PRSS23: variants seen among roughly 807,000 people sequenced by gnomAD.
PRSS23 encodes protease, serine 23.
PRSS23 carries 25 observed loss-of-function variants against 34.7 expected under a neutral mutation model. That is an observed-to-expected ratio of 0.72 (90% confidence interval 0.53 to 1.01). PRSS23 has a LOEUF of 1.01. PRSS23 is among the 50% of genes least tolerant of loss of function. The pLI is 0.00. For missense variants in PRSS23, 445 were observed against 475.6 expected (o/e 0.94, Z 0.60); for synonymous variants, 176 against 186.6 (o/e 0.94, Z 0.46).
At chr11:86,830,796 A>G (rs1017993860) in intron 2 of PRSS23, among the ~76,000 whole-genome samples, 1 of 152,056 alleles carries the variant, frequency 6.6e-6, no homozygotes, top group African/African-American at 2.4e-5. Flanking sequence ...TATTACTCCT[A>G]ATATCTCACT....
At chr11:86,936,596 G>A (rs1159212636) in intron 2 of PRSS23, 2 of 152,180 alleles carry the variant, frequency 1.3e-5, no homozygotes, top group African/African-American at 2.4e-5. Flanking sequence ...TGTGGGGAAA[G>A]GTATATAATC....
downstream of PRSS23, among the ~76,000 whole-genome samples, chr11:86,814,822 CA>C (rs1330649311): frequency 2.6e-5 from 4 of 152,296 alleles, no homozygotes; most frequent in Middle Eastern, 3.4e-3. Flanking sequence ...GACATGGGCT[CA>C]GGGAGGCCCT....
chr11:86,825,455 C>A (rs1948292250), intron 2 of PRSS23, among the ~76,000 whole-genome samples: 1 of 152,158 alleles, frequency 6.6e-6, no homozygotes, highest in Non-Finnish European at 1.5e-5. Flanking sequence ...ATGGTAGCTT[C>A]TTTTGCTGTG....
At chr11:86,821,487 T>C in intron 1 of PRSS23, 2 of 1,610,792 alleles carry the variant, frequency 1.2e-6, no homozygotes, top group South Asian at 1.1e-5. Flanking sequence ...TTCAGAGCTT[T>C]ATGAGCTGCA....
At chr11:86,791,924 C>T (rs563818270) in intron 1 of PRSS23, among the ~76,000 whole-genome samples, 4 of 152,316 alleles carry the variant, frequency 2.6e-5, no homozygotes, top group African/African-American at 9.6e-5. Flanking sequence ...GTTCTTATGA[C>T]TAGCTAAAAT....
In PRSS23 at chr11:86,808,075, C is replaced by T; in HGVS notation, c.432C>T (p.Phe144=). ...GGTTCAGCATTTTTGGGAAGGACTT[C>T]CTGCTCAACTACCCTTTCTCAACAT... ...DSRFSIFGKD[F]LLNYPFSTSV... The change falls in exon 2 of 2, where the codon TTC becomes TTT. Residue 144 remains phenylalanine (F), a synonymous_variant. Coordinates refer to ENST00000280258, the MANE Select transcript of PRSS23 (RefSeq NM_007173.6). 1 of 1,614,110 alleles carries T rather than the reference C, an allele frequency of 6.2e-7. No individual in the cohort carries two copies. The highest frequency in any genetic ancestry group is 1.1e-5 in the South Asian group (1 of 91,078).
At chr11:86,913,273 G>GC (rs1948989650) in intron 2 of PRSS23, among the ~76,000 whole-genome samples, 1 of 40,808 alleles carries the variant, frequency 2.5e-5, no homozygotes, top group Admixed American at 2.1e-4. Flanking sequence ...CTGCCCTCAG[G>GC]CAAAAAAAAA....
chr11:86,821,890 T>G (rs1206540597), intron 1 of PRSS23, among the ~76,000 whole-genome samples: 3 of 152,172 alleles, frequency 2.0e-5, no homozygotes, highest in South Asian at 2.1e-4. Flanking sequence ...GTAAAATGGA[T>G]GTATTAAAGG....
chr11:86,949,823 C>T (rs924958017), intron 2 of PRSS23: 1 of 152,638 alleles, frequency 6.6e-6, no homozygotes, highest in Non-Finnish European at 1.5e-5. Context: ...CATATAAATA[C>T]TCCAGGCCAC....
rs574117898 is a variant in PRSS23 at position 86,866,985 on chromosome 11, A to G, written c.206+43392A>G. ...CCAAGTAAGGCCTTTTCCTTTATAA[A>G]TCACCCAGCTTCAGGTATTCCTTTA... On this transcript the variant is annotated intron_variant, in intron 2 of 2. Transcript: ENST00000533902. Among the ~76,000 whole-genome samples, 203 of 152,284 alleles carry G rather than the reference A, an allele frequency of 1.3e-3. 1 individual carries two copies. Among genetic ancestry groups the G allele is most frequent in the African/African-American group, 4.7e-3 (197 of 41,556 alleles).
At chr11:86,800,829 G>A (rs1225894640) in intron 1 of PRSS23, among the ~76,000 whole-genome samples, 178 bp downstream of exon 1, 1 of 152,178 alleles carries the variant, frequency 6.6e-6, no homozygotes, top group Admixed American at 6.5e-5. Context: ...GGGCCTGAAG[G>A]AGCTCTGGGG....
chr11:86,893,265 G>T (rs1211804635), intron 2 of PRSS23, among the ~76,000 whole-genome samples: 2 of 152,204 alleles, frequency 1.3e-5, no homozygotes, highest in African/African-American at 2.4e-5. Context: ...AGAAGTATGA[G>T]AGAATAAACT....
At chr11:86,840,419 A>C (rs1948438852) in intron 2 of PRSS23, among the ~76,000 whole-genome samples, 2 of 152,382 alleles carry the variant, frequency 1.3e-5, no homozygotes, top group Non-Finnish European at 2.9e-5. Context: ...AGAGCTAACT[A>C]TCCTAAATAT....
intron 2 of PRSS23, chr11:86,934,836 G>A (rs1470664544): frequency 6.6e-6 from 1 of 152,254 alleles, no homozygotes; most frequent in African/African-American, 2.4e-5. Context: ...GGAAAGGAGA[G>A]AGGGGATCCT....
chr11:86,930,029 T>C (rs1270571074), intron 2 of PRSS23, among the ~76,000 whole-genome samples: 2 of 152,104 alleles, frequency 1.3e-5, no homozygotes, highest in Admixed American at 6.6e-5. Flanking sequence ...TGTTATTTGC[T>C]AATATATACA....
At chr11:86,851,777 G>A (rs1948531546) in intron 2 of PRSS23, among the ~76,000 whole-genome samples, 1 of 152,152 alleles carries the variant, frequency 6.6e-6, no homozygotes, top group Admixed American at 6.5e-5. Context: ...AGTTCTTGGT[G>A]CCATGGTATC....
intron 2 of PRSS23, among the ~76,000 whole-genome samples, chr11:86,938,385 A>G (rs1235228628): frequency 6.6e-6 from 1 of 152,212 alleles, no homozygotes; most frequent in Non-Finnish European, 1.5e-5. Context: ...TTGAAGAAGA[A>G]GAGGAAACAC....
intron 2 of PRSS23, among the ~76,000 whole-genome samples, chr11:86,887,849 C>G (rs781470544): frequency 6.6e-6 from 1 of 152,048 alleles, no homozygotes; most frequent in Non-Finnish European, 1.5e-5. Context: ...GTCAGGCGTT[C>G]GAGACCAGCC....
chr11:86,841,787 T>A (rs1463503110), intron 2 of PRSS23, among the ~76,000 whole-genome samples: 1 of 152,170 alleles, frequency 6.6e-6, no homozygotes, highest in Admixed American at 6.5e-5. Context: ...GAGGCAATAA[T>A]TAATAGTCTA....
Sources: allele counts gnomAD v4.1 joint callset (sites outside exome capture counted in the v4.1 genomes callset), GRCh38; gene constraint gnomAD v4.1.1; transcripts MANE v1.5; gene names NCBI Gene and HGNC (gene_info 2026-07-23, HGNC 2026-07-21).